EOGT: variants seen among roughly 807,000 people sequenced by gnomAD.
EOGT encodes EGF domain specific O-linked N-acetylglucosamine transferase, also known as EGF domain-specific O-linked N-acetylglucosamine transferase.
A neutral mutation model predicts 70.5 loss-of-function variants in EOGT; 55 were observed. The observed-to-expected ratio is 0.78, with a 90% confidence interval of 0.63 to 0.98. The LOEUF (loss-of-function observed/expected upper bound fraction) is 0.98. Among genes scored for constraint, EOGT ranks in the 50% least tolerant of loss-of-function variants. EOGT has a pLI of 0.00. For synonymous variants in EOGT, 246 were observed against 217.1 expected, an observed-to-expected ratio of 1.13 and a Z score of -1.17; for missense variants, 703 against 641.9, an observed-to-expected ratio of 1.10 and a Z score of -1.03.
chr3:68,991,296 G>GT (rs1440663869), intron 10 of EOGT, among the ~76,000 whole-genome samples: 2 of 152,184 alleles, frequency 1.3e-5, no homozygotes, highest in Non-Finnish European at 2.9e-5. Flanking sequence ...TTCCTTTAGT[G>GT]TGTCTCAAAT....
rs1157362607 is a variant in EOGT, at chr3:69,001,709, G to T, written c.626C>A (p.Ala209Asp). The change falls in exon 9 of 18, where the codon GCT (alanine) becomes GAT (aspartate). Residue 209 changes from alanine (A) to aspartate (D), a missense_variant. Ala to Asp is a moderately radical substitution (Grantham distance 126). Coordinates refer to ENST00000383701, the MANE Select transcript of EOGT (RefSeq NM_001278689.2). ...GAGCTGAGTATAGCTTTGTAGCTCA[G>T]CAAACCTGAAATTATGAATTGGGAC... is the stretch of plus-strand genomic sequence containing the variant. ...QRKSPLQSWF[A>D]ELQSYTQLNF... is the part of the protein sequence containing the mutation. 1.2e-6 allele frequency: 2 copies of T among 1,604,638 alleles called. No individual in the cohort carries two copies. The highest frequency in any genetic ancestry group is 1.7e-6 in the Non-Finnish European group (2 of 1,173,714).
At chr3:68,985,868 G>A (rs778155151) in intron 14 of EOGT, among the ~76,000 whole-genome samples, 5 of 152,318 alleles carry the variant, frequency 3.3e-5, no homozygotes, top group Admixed American at 1.3e-4. Context: ...GGAGCCTGAC[G>A]TGGGTCTCAC....
chr3:69,001,876 G>A (rs528802595), intron 8 of EOGT, among the ~76,000 whole-genome samples, 162 bp from the exon 9 acceptor site: 13 of 152,190 alleles, frequency 8.5e-5, no homozygotes, highest in African/African-American at 1.7e-4. Flanking sequence ...TTTTATATAG[G>A]TTGATATCAA....
At chr3:68,999,397 A>C (rs1168000337) in intron 9 of EOGT, among the ~76,000 whole-genome samples, 1 of 152,226 alleles carries the variant, frequency 6.6e-6, no homozygotes, top group Non-Finnish European at 1.5e-5. Context: ...CATCCTGGAA[A>C]TATACAAATC....
chr3:69,008,490 C>G lies in EOGT; in HGVS notation c.249G>C (p.Glu83Asp). 1.2e-6 allele frequency: 2 copies of G among 1,614,076 alleles called. No homozygotes were observed. The highest frequency in any genetic ancestry group is 1.7e-6 in the Non-Finnish European group (2 of 1,179,982). ...ACCTGAACTCTGGTTTGCAGGATTTCTCATAACCCCAGCAGTACTTTAGCT... is the reference window on the plus strand; with the variant it reads ...ACCTGAACTCTGGTTTGCAGGATTTGTCATAACCCCAGCAGTACTTTAGCT... The part of the protein sequence containing the change: ...LEKLKYCWGY[E>D]KSCKPEFRFG... Residue 83 changes from glutamate to aspartate, a missense_variant, in exon 5 of 18, where the codon GAG (glutamate) becomes GAC (aspartate). Transcript: ENST00000383701.
chr3:69,003,473 C>T lies in EOGT; in HGVS notation c.620+905G>A, dbSNP rs575090182. On this transcript the variant is annotated intron_variant, in intron 8 of 17. Transcript: ENST00000383701. The stretch of plus-strand genomic sequence containing the variant: ...TATAAAGGGCAGTTCCCTCTGCACA[C>T]GCTCTCTTGTCTGCTGTCATGTAAG... 7.9e-5 allele frequency among the ~76,000 whole-genome samples: 12 copies of T among 152,264 alleles called. No individual in the cohort carries two copies. In the East Asian group the frequency reaches 1.2e-3, roughly 15 times the overall value.
intron 3 of EOGT, among the ~76,000 whole-genome samples, chr3:69,010,816 G>C (rs538295783): frequency 6.6e-6 from 1 of 152,272 alleles, no homozygotes; most frequent in South Asian, 2.1e-4. Context: ...TGTGTCTGCT[G>C]AATAAAAAAT....
chr3:69,009,933 C>CAAAA lies in EOGT; in HGVS notation c.-14-77_-14-74dup, dbSNP rs60324569. On this transcript the variant is annotated intron_variant, in intron 3 of 17. Transcript: ENST00000383701. The stretch of plus-strand genomic sequence containing the variant: ...GCCAAAACAACAACAACAACAACAA[C>CAAAA]AAAAAAAAAAAAAAAACAAAGGGTC... The CAAAA allele has an allele frequency of 4.8e-4, 124 of 256,618 alleles. 1 individual carries two copies. The highest frequency in any genetic ancestry group is 1.8e-3 in the South Asian group (39 of 21,096). 15.9% of individuals were successfully genotyped at this position (256,618 alleles called of 1,614,324 possible). A position where few individuals can be genotyped will look rare whatever the true frequency, so the allele number is the denominator to read the frequency against.
rs59164738 is a variant in EOGT at position 68,977,324 on chromosome 3, CAAAA to C, written c.*290_*293del. The C allele has an allele frequency of 4.9e-5, 9 of 183,158 alleles. No individual in the cohort carries two copies. Among genetic ancestry groups the C allele is most frequent in the Non-Finnish European group, 9.4e-5 (9 of 95,338 alleles). 11.3% of individuals were successfully genotyped at this position (183,158 alleles called of 1,614,324 possible). ...CTGGGTGACAGTGAGACTCTGTCTC[CAAAA>C]AAAAAAAAAGAAAGAAAGAAAGTTA... On this transcript the variant is annotated 3_prime_UTR_variant, in exon 18 of 18. Transcript: ENST00000383701.
chr3:68,997,986 A>C (rs777148795), intron 10 of EOGT, 25 bp downstream of exon 10: 20 of 1,299,124 alleles, frequency 1.5e-5, no homozygotes, highest in Non-Finnish European at 2.0e-5. Context: ...GACAGTACTG[A>C]AGCGGAGAGC....
chr3:68,981,040 G>C (rs2090625737), intron 15 of EOGT, among the ~76,000 whole-genome samples: 1 of 152,120 alleles, frequency 6.6e-6, no homozygotes, highest in Non-Finnish European at 1.5e-5. Context: ...CCCCATATTG[G>C]CTCACTCATT....
At chr3:68,990,478 G>A (rs767934212) in intron 10 of EOGT, among the ~76,000 whole-genome samples, 8 of 149,168 alleles carry the variant, frequency 5.4e-5, no homozygotes, top group Non-Finnish European at 7.4e-5. Flanking sequence ...CCAGCCTCCC[G>A]AGTAGCTGGG....
chr3:69,008,404 AG>A (rs758352302), intron 5 of EOGT, 23 bp downstream of exon 5: 3 of 1,504,750 alleles, frequency 2.0e-6, no homozygotes, highest in Middle Eastern at 1.7e-4. Context: ...AGACTTGAAG[AG>A]GGTATTCCAT....
At chr3:69,008,972 T>G (rs181968267) in intron 4 of EOGT, among the ~76,000 whole-genome samples, 1 of 152,332 alleles carries the variant, frequency 6.6e-6, no homozygotes, top group African/African-American at 2.4e-5. Context: ...CCACAACACA[T>G]GGACAACTCT....
chr3:68,987,511 A>G lies in EOGT; in HGVS notation c.1086T>C (p.Asp362=), dbSNP rs2090849404. The G allele has an allele frequency of 6.2e-7, 1 of 1,612,726 alleles. No individual in the cohort carries two copies. The highest frequency in any genetic ancestry group is 8.5e-7 in the Non-Finnish European group (1 of 1,178,942). ...RLNITQEGPK[D]GKIRVTILAR... ...CAAGAATGGTGACTCGAATTTTTCCATCCTGTAATCAAAATGAAACGGTAA... is the reference window on the plus strand; with the variant it reads ...CAAGAATGGTGACTCGAATTTTTCCGTCCTGTAATCAAAATGAAACGGTAA... Residue 362 remains aspartate, a splice_region_variant and synonymous_variant, in exon 14 of 18, where the codon GAT becomes GAC. Transcript: ENST00000383701.
chr3:69,006,743 C>T (rs1221868818), intron 6 of EOGT, among the ~76,000 whole-genome samples: 1 of 152,120 alleles, frequency 6.6e-6, no homozygotes. Context: ...TATTTACTAC[C>T]CCAAACCACC....
chr3:68,988,768 T>A (rs969510029), intron 11 of EOGT, 157 bp downstream of exon 11: 3 of 637,382 alleles, frequency 4.7e-6, no homozygotes, highest in African/African-American at 1.8e-5. Context: ...AAAGGCTGCA[T>A]GATTAACAAC....
At position 68,979,809 on chromosome 3, in the gene EOGT, T is replaced by C. The variant is rs147238195; in HGVS notation, c.1215-22A>G. On this transcript the variant is annotated intron_variant, in intron 15 of 17. Transcript: ENST00000383701. ...TTCTCTGTGAACATACAGAATAACA[T>C]GAGAGAGATGGGGAGAAGAGAGAAG... 1.3e-3 allele frequency: 2,171 copies of C among 1,610,178 alleles called. 14 individuals carry two copies. The highest frequency in any genetic ancestry group is 3.6e-3 in the Middle Eastern group (22 of 6,042).
chr3:68,987,136 G>A (rs1184827957), intron 14 of EOGT, among the ~76,000 whole-genome samples: 2 of 152,202 alleles, frequency 1.3e-5, no homozygotes, highest in African/African-American at 2.4e-5. Context: ...GCAAAAGAAA[G>A]TCTTACATTT....
Sources: gnomAD v4.1 joint callset for allele counts (sites outside exome capture counted in the v4.1 genomes callset) on GRCh38, gnomAD v4.1.1 for gene constraint, MANE v1.5 for transcripts, NCBI Gene and HGNC (gene_info 2026-07-23, HGNC 2026-07-21) for gene names.